The following MT1X variants were observed in gnomAD, a reference collection of about 807,000 sequenced individuals.
MT1X encodes the protein metallothionein 1X, also known as metallothionein-1X.
Under a neutral mutation model 8.6 loss-of-function variants are expected in MT1X, and 7 were observed. The observed-to-expected ratio is 0.81, with a 90% CI of 0.46 to 1.52. The LOEUF is 1.52. Among genes scored for constraint, MT1X ranks in the 40% most tolerant of loss-of-function variants. The pLI is 0.01. For synonymous variants in MT1X, 25 were observed against 27.6 expected (o/e 0.91, Z 0.30); for missense variants, 72 against 74.3 (o/e 0.97, Z 0.11).
rs775055215 is a variant in MT1X, at chr16:56,682,555, C to T, written c.15C>T (p.Cys5=). MDPN[C]SCSPVGSCAC... ...CTTGCCTCGAAATGGACCCCAACTG[C>T]TCCTGCTCGCCTGGTAAGGGACACC... Residue 5 remains cysteine (C), a synonymous_variant, in exon 1 of 3, where the codon TGC becomes TGT. Transcript: ENST00000394485. 6.2e-7 allele frequency: 1 copy of T among 1,614,240 alleles called. No homozygotes were observed. The highest frequency in any genetic ancestry group is 8.5e-7 in the Non-Finnish European group (1 of 1,180,032).
intron 2 of MT1X, 106 bp from the exon 3 acceptor site, chr16:56,683,852 G>T (rs1809978321): frequency 1.3e-5 from 19 of 1,493,146 alleles, no homozygotes; most frequent in Non-Finnish European, 5.5e-6. Flanking sequence ...ATCCTGAAAT[G>T]ATGGTCCTCT....
chr16:56,682,957 T>C, intron 1 of MT1X: 1 of 645,004 alleles, frequency 1.6e-6, no homozygotes, highest in Non-Finnish European at 2.6e-6. Context: ...GCCTGGGACC[T>C]TGCTTGTGGG....
chr16:56,682,911 G>A (rs1248350002), intron 1 of MT1X: 17 of 596,070 alleles, frequency 2.9e-5, no homozygotes, highest in Non-Finnish European at 5.0e-5. Context: ...AGAAGGTTCT[G>A]GCCTCCTGTC....
chr16:56,683,873 G>A, intron 2 of MT1X, 85 bp from the exon 3 acceptor site: 1 of 1,571,740 alleles, frequency 6.4e-7, no homozygotes, highest in Non-Finnish European at 8.7e-7. Context: ...GGGGCTGGAG[G>A]CAGGGCTCGA....
intron 2 of MT1X, 22 bp downstream of exon 2, chr16:56,683,252 C>A (rs763084443): frequency 3.1e-6 from 5 of 1,612,960 alleles, no homozygotes; most frequent in Non-Finnish European, 4.2e-6. Flanking sequence ...GCCTTCCCTG[C>A]GAATCTGGGG....
intron 2 of MT1X, 178 bp downstream of exon 2, chr16:56,683,408 C>T (rs1450690837): frequency 4.5e-6 from 3 of 660,916 alleles, no homozygotes; most frequent in Non-Finnish European, 7.5e-6. Flanking sequence ...CCTCTTATTA[C>T]CAAACTAGAA....
chr16:56,683,772 G>T (rs1175963955), intron 2 of MT1X, 186 bp from the exon 3 acceptor site: 13 of 824,348 alleles, frequency 1.6e-5, no homozygotes. Context: ...CTCAGGTGGG[G>T]CTGGGCAGCT....
At position 56,684,010 on chromosome 16, in the gene MT1X, C is replaced by T; in HGVS notation, c.147C>T (p.Ile49=). 6.2e-7 allele frequency: 1 copy of T among 1,614,042 alleles called. No homozygotes were observed. Among genetic ancestry groups the T allele is most frequent in the Non-Finnish European group, 8.5e-7 (1 of 1,179,966 alleles). Residue 49 remains isoleucine (I), a synonymous_variant, in exon 3 of 3, where the codon ATC becomes ATT. Coordinates refer to ENST00000394485, the MANE Select transcript of MT1X (RefSeq NM_005952.4). ...VGCAKCAQGC[I]CKGTSDKCSC... ...GTGCCAAGTGTGCCCAGGGCTGCATCTGCAAAGGGACGTCAGACAAGTGCA... is the reference window on the plus strand; with the variant it reads ...GTGCCAAGTGTGCCCAGGGCTGCATTTGCAAAGGGACGTCAGACAAGTGCA...
At chr16:56,683,812 C>A in intron 2 of MT1X, 146 bp from the exon 3 acceptor site, 1 of 1,205,840 alleles carries the variant, frequency 8.3e-7, no homozygotes, top group Non-Finnish European at 1.2e-6. Flanking sequence ...TCCCAAAGAT[C>A]TACCAGTTCT....
chr16:56,682,546 C>A lies in MT1X; in HGVS notation c.6C>A (p.Asp2Glu), dbSNP rs745472410. The A allele has an allele frequency of 6.2e-7, 1 of 1,614,232 alleles. No homozygotes were observed. Among genetic ancestry groups the A allele is most frequent in the Non-Finnish European group, 8.5e-7 (1 of 1,180,038 alleles). The change falls in exon 1 of 3, where the codon GAC (aspartate) becomes GAA (glutamate). Residue 2 changes from aspartate to glutamate, a missense_variant. Asp to Glu is a conservative substitution (Grantham distance 45, BLOSUM62 2). Coordinates refer to ENST00000394485, the MANE Select transcript of MT1X (RefSeq NM_005952.4). ...CTGCTTCTCCTTGCCTCGAAATGGA[C>A]CCCAACTGCTCCTGCTCGCCTGGTA... MDPNCSCSPVGS... is the reference protein window; with the variant it reads MEPNCSCSPVGS...
intron 1 of MT1X, 75 bp from the exon 2 acceptor site, chr16:56,683,090 C>G: frequency 6.4e-7 from 1 of 1,562,974 alleles, no homozygotes; most frequent in Non-Finnish European, 8.8e-7. Context: ...GGAGGGGTCA[C>G]TGAAGCGTTA....
At position 56,683,198 on chromosome 16, in the gene MT1X, G is replaced by A; in HGVS notation, c.62G>A (p.Cys21Tyr). 4.3e-6 allele frequency: 7 copies of A among 1,613,932 alleles called. No homozygotes were observed. Among genetic ancestry groups the A allele is most frequent in the Non-Finnish European group, 5.9e-6 (7 of 1,179,874 alleles). ...TGTGCCTGTGCCGGCTCCTGCAAATGCAAAGAGTGCAAATGCACCTCCTGC... is the reference window on the plus strand; with the variant it reads ...TGTGCCTGTGCCGGCTCCTGCAAATACAAAGAGTGCAAATGCACCTCCTGC... ...GSCACAGSCK[C>Y]KECKCTSCKK... Residue 21 changes from cysteine to tyrosine, a missense_variant, in exon 2 of 3, where the codon TGC becomes TAC. By Grantham distance (194) the Cys-to-Tyr change is radical. Transcript: ENST00000394485.
intron 2 of MT1X, 77 bp from the exon 3 acceptor site, chr16:56,683,881 C>G: frequency 1.3e-6 from 2 of 1,594,396 alleles, no homozygotes; most frequent in Non-Finnish European, 1.7e-6. Flanking sequence ...AGGCAGGGCT[C>G]GAGCCAGGCC....
At chr16:56,682,936 C>A in intron 1 of MT1X, 1 of 613,852 alleles carries the variant, frequency 1.6e-6, no homozygotes, top group Non-Finnish European at 2.8e-6. Context: ...CCTTCCTGGG[C>A]TGTGTCTGGA....
chr16:56,682,895 C>A, intron 1 of MT1X: 1 of 590,244 alleles, frequency 1.7e-6, no homozygotes, highest in Non-Finnish European at 3.0e-6. Flanking sequence ...CTTCGGAGTT[C>A]AGGACAGAAG....
intron 2 of MT1X, 182 bp from the exon 3 acceptor site, chr16:56,683,776 G>C (rs1961030177): frequency 5.8e-6 from 5 of 862,664 alleles, no homozygotes; most frequent in Admixed American, 2.4e-5. Context: ...GGTGGGGCTG[G>C]GCAGCTTTTT....
At chr16:56,683,589 T>G in intron 2 of MT1X, 1 of 390,284 alleles carries the variant, frequency 2.6e-6, no homozygotes, top group Non-Finnish European at 4.7e-6. Flanking sequence ...AGTCCTTTCC[T>G]GCAGGGGTAG....
chr16:56,683,445 A>G (rs1012272632), intron 2 of MT1X: 2 of 551,486 alleles, frequency 3.6e-6, no homozygotes, highest in Non-Finnish European at 3.2e-6. Context: ...GTTACCAGAT[A>G]GTGTTGGGAA....
In MT1X at chr16:56,683,243, C is replaced by T. The variant is rs1171274732; in HGVS notation, c.94+13C>T. 1 of 1,613,562 alleles carries T rather than the reference C, an allele frequency of 6.2e-7. No homozygotes were observed. The highest frequency in any genetic ancestry group is 8.5e-7 in the Non-Finnish European group (1 of 1,179,728). ...TCCTGCAAGAAGAGTGAGTGCAGGG[C>T]CTTCCCTGCGAATCTGGGGGATGGG... On this transcript the variant is annotated intron_variant, in intron 2 of 2. Transcript: ENST00000394485.
Sources: gnomAD v4.1 joint callset for allele counts on GRCh38, gnomAD v4.1.1 for gene constraint, MANE v1.5 for transcripts, NCBI Gene and HGNC (gene_info 2026-07-23, HGNC 2026-07-21) for gene names.